Variants in MAPK10 observed in about 807,000 individuals in gnomAD.
MAPK10 encodes mitogen-activated protein kinase 10, also known as JNK3 alpha protein kinase.
MAPK10 carries 25 observed loss-of-function variants against 59.3 expected under a neutral mutation model. The observed-to-expected ratio is 0.42, with a 90% CI of 0.31 to 0.59. MAPK10 has a LOEUF of 0.59. MAPK10 is among the 20% of genes least tolerant of loss of function. The probability of loss-of-function intolerance (pLI) is 0.15; values close to 1 mark genes in which losing one functional copy is unlikely to be tolerated. For synonymous variants in MAPK10, 190 were observed against 200.5 expected (o/e 0.95, Z 0.44); for missense variants, 351 against 568.9 (o/e 0.62, Z 3.90).
chr4:86,213,139 A>G (rs2086353600), intron 2 of MAPK10, among the ~76,000 whole-genome samples: 1 of 152,174 alleles, frequency 6.6e-6, no homozygotes, highest in Non-Finnish European at 1.5e-5. Context: ...ATATAAATTC[A>G]TACTAGGAGA....
intron 1 of MAPK10, among the ~76,000 whole-genome samples, chr4:86,379,295 T>C (rs905183786): frequency 7.2e-5 from 11 of 152,202 alleles, no homozygotes; most frequent in Admixed American, 2.0e-4. Flanking sequence ...TTCTATATTG[T>C]AGAAATCATT....
intron 1 of MAPK10, among the ~76,000 whole-genome samples, chr4:86,536,444 T>A (rs901022882): frequency 2.0e-5 from 3 of 152,274 alleles, no homozygotes; most frequent in African/African-American, 7.2e-5. Context: ...TTACGTTTAT[T>A]CATCCTAAGG....
chr4:86,049,829 T>C (rs2043185124), intron 11 of MAPK10, among the ~76,000 whole-genome samples: 1 of 152,122 alleles, frequency 6.6e-6, no homozygotes, highest in Non-Finnish European at 1.5e-5. Flanking sequence ...ATCTTTCTAC[T>C]ATTTTATCAC....
intron 3 of MAPK10, among the ~76,000 whole-genome samples, chr4:86,181,230 G>A (rs1422942431): frequency 3.3e-5 from 5 of 151,810 alleles, no homozygotes; most frequent in Non-Finnish European, 4.4e-5. Flanking sequence ...TCGATGAATG[G>A]TAAAATCAAT....
intron 2 of MAPK10, among the ~76,000 whole-genome samples, chr4:86,209,771 A>G (rs558041522): frequency 6.2e-5 from 8 of 128,394 alleles, no homozygotes; most frequent in African/African-American, 3.3e-4. Flanking sequence ...AAACAGGAAA[A>G]ACAATCCTAA....
chr4:86,188,513 T>C (rs1266420509), intron 3 of MAPK10, among the ~76,000 whole-genome samples: 2 of 152,266 alleles, frequency 1.3e-5, no homozygotes, highest in Non-Finnish European at 2.9e-5. Flanking sequence ...AAGAGCTTTT[T>C]TTCATATGTT....
At chr4:86,272,180 T>C (rs2094453803) in intron 2 of MAPK10, among the ~76,000 whole-genome samples, 1 of 152,104 alleles carries the variant, frequency 6.6e-6, no homozygotes, top group Non-Finnish European at 1.5e-5. Context: ...CATTCTTTTT[T>C]ATGACTGCAT....
rs780275982 is a variant in MAPK10 at position 86,103,253 on chromosome 4, G to C, written c.367-9C>G. On this transcript the variant is annotated splice_polypyrimidine_tract_variant and intron_variant, in intron 5 of 13. Transcript: ENST00000641462. ...TTTAATAAACTAATAATCTGAAAGAGAGTGGAAGGGACAGAGGAAACGAGA... is the reference window on the plus strand; with the variant it reads ...TTTAATAAACTAATAATCTGAAAGACAGTGGAAGGGACAGAGGAAACGAGA... 31 of 1,357,832 alleles carry C rather than the reference G, an allele frequency of 2.3e-5. No homozygotes were observed. Among genetic ancestry groups the C allele is most frequent in the Admixed American group, 1.0e-4 (6 of 59,580 alleles). The allele number at this position is 1,357,832 out of a possible 1,614,324, so 84.1% of individuals were successfully genotyped here. A position where few individuals can be genotyped will look rare whatever the true frequency, so the allele number is the denominator to read the frequency against.
At chr4:86,451,760 G>A (rs1426427426) in intron 1 of MAPK10, among the ~76,000 whole-genome samples, 3 of 152,138 alleles carry the variant, frequency 2.0e-5, no homozygotes. Context: ...TCCTAAAGTG[G>A]CAGTCATTCA....
At chr4:86,215,687 C>T (rs1348900376) in intron 2 of MAPK10, among the ~76,000 whole-genome samples, 2 of 152,006 alleles carry the variant, frequency 1.3e-5, no homozygotes, top group Non-Finnish European at 2.9e-5. Flanking sequence ...ATGGTGAAAC[C>T]CCGTCTCTAC....
At chr4:86,526,562 T>G (rs1270920241) in intron 1 of MAPK10, among the ~76,000 whole-genome samples, 1 of 152,196 alleles carries the variant, frequency 6.6e-6, no homozygotes, top group African/African-American at 2.4e-5. Context: ...AGATTTTAGG[T>G]TCCCAATTTC....
At chr4:86,446,938 T>C (rs1290359450) in intron 1 of MAPK10, among the ~76,000 whole-genome samples, 1 of 152,188 alleles carries the variant, frequency 6.6e-6, no homozygotes, top group African/African-American at 2.4e-5. Context: ...TTCTAAATAA[T>C]AATTATTTGT....
chr4:86,527,409 A>G lies in MAPK10; in HGVS notation c.-263+66501T>C, dbSNP rs576989807. On this transcript the variant is annotated intron_variant, in intron 1 of 4. Coordinates refer to the MAPK10 transcript ENST00000502302. ...TAAATGGCCAAGAAACATGAAAAAC[A>G]TGCTCCACACCATTAATCATCAGAG... Among the ~76,000 whole-genome samples, 4 of 152,004 alleles carry G rather than the reference A, an allele frequency of 2.6e-5. No homozygotes were observed. In the East Asian group the frequency reaches 7.7e-4, roughly 29 times the overall value.
At chr4:86,447,319 C>T (rs937622198) in intron 1 of MAPK10, among the ~76,000 whole-genome samples, 7 of 152,142 alleles carry the variant, frequency 4.6e-5, no homozygotes, top group Non-Finnish European at 1.0e-4. Flanking sequence ...TTCCCCTTCA[C>T]CTTCCACCAT....
intron 4 of MAPK10, among the ~76,000 whole-genome samples, chr4:86,154,831 A>G (rs1398222405): frequency 3.3e-5 from 5 of 152,136 alleles, no homozygotes; most frequent in Non-Finnish European, 4.4e-5. Context: ...TAAAGTACTG[A>G]CAATTGAATC....
Position 86,131,953 on chromosome 4 carries a change from C to T in MAPK10, c.237-24601G>A, listed in dbSNP as rs565334272. Among the ~76,000 whole-genome samples the T allele has an allele frequency of 4.9e-4, 74 of 152,236 alleles. 3 individuals carry two copies. Among genetic ancestry groups the T allele is most frequent in the East Asian group, 3.3e-3 (17 of 5,180 alleles). On this transcript the variant is annotated intron_variant, in intron 4 of 13. Transcript: ENST00000641462. ...AATATGAACCTAAAGGAATACAAAA[C>T]TGGAACTTAACTCCAAGGGTTATCT...
rs146491237 is a variant in MAPK10, at chr4:86,067,731, T to C, written c.985+42A>G. 12,063 of 1,543,452 alleles carry C rather than the reference T, an allele frequency of 7.8e-3. 61 individuals are homozygous for C. Among genetic ancestry groups the C allele is most frequent in the Middle Eastern group, 0.015 (82 of 5,512 alleles). ...CTATACTGTGTGCTTGTTTGGCCCG[T>C]CACCCTCATAGTTGTCCTCAAGTCA... On this transcript the variant is annotated intron_variant, in intron 10 of 13. Transcript: ENST00000641462.
In MAPK10 at chr4:86,303,500, G is replaced by A. The variant is rs371096256; in HGVS notation, c.-7+51030C>T. Among the ~76,000 whole-genome samples, 18 of 151,866 alleles carry A rather than the reference G, an allele frequency of 1.2e-4. 2 individuals are homozygous for A. Among genetic ancestry groups the A allele is most frequent in the East Asian group, 3.9e-4 (2 of 5,182 alleles). On this transcript the variant is annotated intron_variant, in intron 2 of 13. Transcript: ENST00000641462. ...GGAAAACTAGAAAGAAAGAAAGACA[G>A]ACAGATAGATAGATAACAATTTGAT...
At chr4:86,227,687 T>C (rs1652185793) in intron 2 of MAPK10, among the ~76,000 whole-genome samples, 1 of 151,976 alleles carries the variant, frequency 6.6e-6, no homozygotes, top group African/African-American at 2.4e-5. Context: ...ACCAAAAAAA[T>C]ATGTAGCCTA....
Sources: gnomAD v4.1 joint callset for allele counts (sites outside exome capture counted in the v4.1 genomes callset) on GRCh38, gnomAD v4.1.1 for gene constraint, MANE v1.5 for transcripts, NCBI Gene and HGNC (gene_info 2026-07-23, HGNC 2026-07-21) for gene names.